The following TMEM108 variants were observed in gnomAD, a reference collection of about 807,000 sequenced individuals.
TMEM108 encodes the protein cancer/testis antigen 124.
A neutral mutation model predicts 35.1 loss-of-function variants in TMEM108; 12 were observed. The ratio of observed to expected loss-of-function variants is 0.34; its 90% CI spans 0.22 to 0.55. The LOEUF (loss-of-function observed/expected upper bound fraction) is 0.55. TMEM108 is among the 20% of genes least tolerant of loss of function. TMEM108 has a pLI of 0.89. For missense variants in TMEM108, 680 were observed against 753.3 expected (o/e 0.90, Z 1.14); for synonymous variants, 287 against 308.6 (o/e 0.93, Z 0.73).
At chr3:133,123,680 G>A (rs1232281981) in intron 2 of TMEM108, among the ~76,000 whole-genome samples, 3 of 152,232 alleles carry the variant, frequency 2.0e-5, no homozygotes, top group Non-Finnish European at 1.5e-5. Context: ...AGCCATGGAA[G>A]TGAATAAGAA....
chr3:133,218,614 T>C (rs535938858), intron 2 of TMEM108, among the ~76,000 whole-genome samples: 1 of 152,218 alleles, frequency 6.6e-6, no homozygotes, highest in Non-Finnish European at 1.5e-5. Context: ...CATGTTAGGA[T>C]GTTGAATTTT....
chr3:133,068,533 G>A (rs1245417144), intron 2 of TMEM108, among the ~76,000 whole-genome samples: 2 of 152,104 alleles, frequency 1.3e-5, no homozygotes, highest in Non-Finnish European at 2.9e-5. Flanking sequence ...AAGGAGTATA[G>A]ATTTATACTT....
intron 2 of TMEM108, among the ~76,000 whole-genome samples, chr3:133,156,183 G>C (rs1036852747): frequency 3.3e-4 from 50 of 151,726 alleles, no homozygotes; most frequent in Admixed American, 2.0e-4. Flanking sequence ...CAAAGTACAG[G>C]CTTGGTGTTC....
chr3:133,212,688 G>A (rs1032025411), intron 2 of TMEM108, among the ~76,000 whole-genome samples: 3 of 151,866 alleles, frequency 2.0e-5, no homozygotes, highest in East Asian at 1.9e-4. Flanking sequence ...GCAACATGGC[G>A]AAACCTGTTT....
At chr3:133,224,537 G>A (rs1172689241) in intron 2 of TMEM108, among the ~76,000 whole-genome samples, 1 of 152,030 alleles carries the variant, frequency 6.6e-6, no homozygotes, top group Admixed American at 6.6e-5. Context: ...GAATCATGGG[G>A]GTGGTTTTCC....
chr3:133,241,599 T>C (rs1038569094), intron 3 of TMEM108, among the ~76,000 whole-genome samples: 7 of 149,812 alleles, frequency 4.7e-5, no homozygotes, highest in African/African-American at 1.7e-4. Flanking sequence ...TTTGTATTAG[T>C]TTCCTGTGGC....
At chr3:133,313,740 C>G (rs1024580488) in intron 3 of TMEM108, among the ~76,000 whole-genome samples, 2 of 152,146 alleles carry the variant, frequency 1.3e-5, no homozygotes, top group Admixed American at 1.3e-4. Flanking sequence ...TTACTATCTT[C>G]CCCTTGCATT....
intron 2 of TMEM108, among the ~76,000 whole-genome samples, chr3:133,181,008 T>TAAAAAAAAGAAAAA (rs1945330230): frequency 1.3e-5 from 1 of 75,866 alleles, no homozygotes; most frequent in Non-Finnish European, 2.5e-5. Context: ...GCAGTTGTGT[T>TAAAAAAAAGAAAAA]AAAAAAAAAA....
At position 133,380,358 on chromosome 3, in the gene TMEM108, T is replaced by G; in HGVS notation, c.647T>G (p.Ile216Ser). 1 of 1,613,576 alleles carries G rather than the reference T, an allele frequency of 6.2e-7. No homozygotes were observed. The highest frequency in any genetic ancestry group is 8.5e-7 in the Non-Finnish European group (1 of 1,179,864). The change falls in exon 4 of 6, where the codon ATC (isoleucine) becomes AGC (serine). Residue 216 changes from isoleucine (I) to serine (S), a missense_variant. This residue lies in a region of TMEM108 where 526 missense variants were observed against 532.1 expected (regional missense o/e 0.99). Coordinates refer to ENST00000321871, the MANE Select transcript of TMEM108 (RefSeq NM_023943.4). This position sits in a 1 kb window ranked among gnomAD's most constrained non-coding sequence, Gnocchi z 5.3. ...PLGQKRPLGKIFQIYKGNFTG... is the reference protein window; with the variant it reads ...PLGQKRPLGKSFQIYKGNFTG... The stretch of plus-strand genomic sequence containing the variant: ...GGGCAGAAGCGGCCCCTGGGGAAAA[T>G]CTTTCAGATCTACAAGGGCAACTTC...
intron 5 of TMEM108, 79 bp from the exon 6 acceptor site, chr3:133,395,785 C>T (rs2073296839): frequency 7.3e-7 from 1 of 1,368,660 alleles, no homozygotes; most frequent in East Asian, 2.7e-5. Flanking sequence ...ATAAATGTTC[C>T]CATGTGTACA....
intron 2 of TMEM108, among the ~76,000 whole-genome samples, chr3:133,094,556 T>G (rs919809745): frequency 2.6e-5 from 4 of 152,190 alleles, no homozygotes; most frequent in South Asian, 2.1e-4. Flanking sequence ...TTGTCTCTTG[T>G]CCCTTTCTGC....
At chr3:133,140,999 T>C (rs1346582892) in intron 2 of TMEM108, among the ~76,000 whole-genome samples, 1 of 152,208 alleles carries the variant, frequency 6.6e-6, no homozygotes, top group East Asian at 1.9e-4. Flanking sequence ...GGAGAGGTAC[T>C]GACTATAGAG....
At chr3:133,303,338 G>A (rs374392748) in intron 3 of TMEM108, 6 of 152,264 alleles carry the variant, frequency 3.9e-5, no homozygotes, top group African/African-American at 1.4e-4. Flanking sequence ...CTCAACTGGG[G>A]TAAGTGGGTA....
intron 2 of TMEM108, among the ~76,000 whole-genome samples, chr3:133,107,341 G>T (rs555547019): frequency 6.6e-6 from 1 of 152,202 alleles, no homozygotes; most frequent in East Asian, 1.9e-4. Context: ...AATTAGTGGA[G>T]ATTTTTCTAC....
chr3:133,386,833 AC>A, intron 4 of TMEM108: 1 of 663,794 alleles, frequency 1.5e-6, no homozygotes, highest in African/African-American at 1.9e-5. Flanking sequence ...CAAGACCTGG[AC>A]TCAAGTTGCA....
chr3:133,194,646 A>G (rs1945551178), intron 2 of TMEM108, among the ~76,000 whole-genome samples: 1 of 152,010 alleles, frequency 6.6e-6, no homozygotes, highest in Admixed American at 6.6e-5. Flanking sequence ...TACTGGCCAG[A>G]GAGGCTACCT....
chr3:133,118,231 A>C (rs915235342), intron 2 of TMEM108, among the ~76,000 whole-genome samples: 1 of 152,178 alleles, frequency 6.6e-6, no homozygotes, highest in Middle Eastern at 3.4e-3. Flanking sequence ...TGGGATTTTT[A>C]TGCCCATCCA....
intron 2 of TMEM108, among the ~76,000 whole-genome samples, chr3:133,226,027 A>G (rs569707465): frequency 1.4e-4 from 21 of 152,334 alleles, no homozygotes; most frequent in African/African-American, 5.1e-4. Flanking sequence ...TGAGGTATAC[A>G]TTGTTTTGGT....
chr3:133,309,682 CTTTTTTTTTTTTTTTTTTTTTTT>C (rs148272827), intron 3 of TMEM108, among the ~76,000 whole-genome samples: 6 of 69,196 alleles, frequency 8.7e-5, no homozygotes, highest in Non-Finnish European at 1.7e-4. Context: ...GAGTGAGTTT[CTTTTTTTTTTTTTTTTTTTTTTT>C]TTTTTTTTTT....
Sources: gnomAD v4.1 joint callset for allele counts (sites outside exome capture counted in the v4.1 genomes callset) on GRCh38, gnomAD v4.1.1 for gene constraint, gnomAD v4.1.1 regional missense constraint, Gnocchi (gnomAD v3.1) non-coding constraint, MANE v1.5 for transcripts, NCBI Gene and HGNC (gene_info 2026-07-23, HGNC 2026-07-21) for gene names.